Variants in TBC1D32 observed in about 807,000 individuals in gnomAD.
TBC1D32 encodes TBC1 domain family member 32, also known as protein broad-minded.
Under a neutral mutation model 170.3 loss-of-function variants are expected in TBC1D32, and 151 were observed. The observed-to-expected ratio is 0.89, with a 90% CI of 0.78 to 1.01. The LOEUF is 1.01. Ranked by LOEUF, TBC1D32 falls within the 50% of genes least tolerant of loss-of-function variation. The probability of loss-of-function intolerance (pLI) is 0.00; values close to 1 mark genes in which losing one functional copy is unlikely to be tolerated. For missense variants in TBC1D32, 1,464 were observed against 1,457.1 expected (o/e 1.00, Z -0.08); for synonymous variants, 498 against 488.0 (o/e 1.02, Z -0.27).
chr6:121,160,542 G>A (rs1226689339), intron 23 of TBC1D32, among the ~76,000 whole-genome samples: 3 of 150,140 alleles, frequency 2.0e-5, no homozygotes, highest in African/African-American at 7.3e-5. Flanking sequence ...AAACCTTCAT[G>A]AGAAACCCAT....
At chr6:121,271,115 AAAT>A (rs1317724023) in intron 15 of TBC1D32, among the ~76,000 whole-genome samples, 1 of 152,166 alleles carries the variant, frequency 6.6e-6, no homozygotes, top group Non-Finnish European at 1.5e-5. Context: ...ACGTATCTCA[AAAT>A]AATAAGAGCT....
At position 121,141,241 on chromosome 6, in the gene TBC1D32, A is replaced by T. The variant is rs1371253333; in HGVS notation, c.2774-9489T>A. 9.3e-4 allele frequency among the ~76,000 whole-genome samples: 142 copies of T among 152,280 alleles called. 2 individuals carry two copies. The South Asian group carries it at 0.029, about 31-fold the overall frequency. ...ATATATTTTAGATAAGGTGGAGATA[A>T]CTTCTCTGAAGAAGTGACATTTAGA... is the stretch of plus-strand genomic sequence containing the variant. On this transcript the variant is annotated intron_variant, in intron 24 of 31. Transcript: ENST00000398212.
chr6:121,325,745 A>T (rs1810374600), intron 1 of TBC1D32, among the ~76,000 whole-genome samples: 1 of 152,228 alleles, frequency 6.6e-6, no homozygotes, highest in South Asian at 2.1e-4. Flanking sequence ...TACCAAAAGC[A>T]ATGGCAACAA....
intron 17 of TBC1D32, among the ~76,000 whole-genome samples, chr6:121,254,588 A>G (rs933464973): frequency 2.7e-5 from 4 of 148,700 alleles, no homozygotes; most frequent in African/African-American, 7.5e-5. Flanking sequence ...TTGTTGAACC[A>G]TTATACTGTT....
chr6:121,215,437 A>G (rs1193090047), intron 21 of TBC1D32, among the ~76,000 whole-genome samples: 1 of 152,248 alleles, frequency 6.6e-6, no homozygotes, highest in Non-Finnish European at 1.5e-5. Flanking sequence ...ACTGCTCCAG[A>G]TGGGCCACCA....
chr6:121,241,637 C>A lies in TBC1D32; in HGVS notation c.2158-85G>T, dbSNP rs1046387832. ...CATTCCTTCAAGATGGTAAGAACTGCAAAAACAAACTCTGAAAAATATTTT... is the reference window on the plus strand; with the variant it reads ...CATTCCTTCAAGATGGTAAGAACTGAAAAAACAAACTCTGAAAAATATTTT... On this transcript the variant is annotated intron_variant, in intron 18 of 31. Transcript: ENST00000398212. 7 of 1,057,684 alleles carry A rather than the reference C, an allele frequency of 6.6e-6. No homozygotes were observed. In the African/African-American group the frequency reaches 8.0e-5, roughly 12 times the overall value. 65.5% of individuals were successfully genotyped at this position (1,057,684 alleles called of 1,614,324 possible).
At chr6:121,240,554 A>G (rs1796843421) in intron 19 of TBC1D32, among the ~76,000 whole-genome samples, 2 of 151,830 alleles carry the variant, frequency 1.3e-5, no homozygotes, top group Admixed American at 6.6e-5. Flanking sequence ...TAGCATCTCT[A>G]TCAGGGATTA....
At position 121,241,539 on chromosome 6, in the gene TBC1D32, T is replaced by G. The variant is rs758167119; in HGVS notation, c.2171A>C (p.Lys724Thr). ...YAKKLQVSRHKKFGYGVLVTR... is the reference protein window; with the variant it reads ...YAKKLQVSRHTKFGYGVLVTR... ...AACCAAAACTCCATAGCCAAATTTT[T>G]TATGCCTGCTGACCTAACAGCATAA... Residue 724 changes from lysine (K) to threonine (T), a missense_variant, in exon 19 of 32, where the codon AAA (lysine) becomes ACA (threonine). Around this residue, in one of 3 missense-constraint regions of TBC1D32, gnomAD observed 1,363 missense variants for 1,338.1 expected, o/e 1.02. Coordinates refer to ENST00000398212, the MANE Select transcript of TBC1D32 (RefSeq NM_152730.6). The G allele has an allele frequency of 7.4e-6, 12 of 1,613,354 alleles. No individual in the cohort carries two copies. The highest frequency in any genetic ancestry group is 4.5e-5 in the East Asian group (2 of 44,834).
At chr6:121,302,148 G>C (rs1184502237) in intron 9 of TBC1D32, among the ~76,000 whole-genome samples, 1 of 151,904 alleles carries the variant, frequency 6.6e-6, no homozygotes, top group Non-Finnish European at 1.5e-5. Context: ...CTTAGACCAG[G>C]GTCAACAAAC....
rs1318239788 is a variant in TBC1D32, at chr6:121,125,218, G to A, written c.2983+1160C>T. Among the ~76,000 whole-genome samples the A allele has an allele frequency of 6.6e-5, 10 of 152,146 alleles. No homozygotes were observed. In the East Asian group the frequency reaches 1.4e-3, roughly 21 times the overall value. On this transcript the variant is annotated intron_variant, in intron 26 of 31. Transcript: ENST00000398212. Reference sequence around the variant, plus strand: ...AGCAGACTAAGCAGACTGAGCCTGCGACTATTGTACCCATCTAGAGAACAT... The same window carrying A: ...AGCAGACTAAGCAGACTGAGCCTGCAACTATTGTACCCATCTAGAGAACAT...
intron 20 of TBC1D32, among the ~76,000 whole-genome samples, chr6:121,230,556 C>T (rs928700932): frequency 2.6e-5 from 4 of 151,854 alleles, no homozygotes; most frequent in African/African-American, 7.3e-5. Context: ...TGAATCAGAA[C>T]ATATTTATTT....
At chr6:121,105,871 C>T (rs1778632032) in intron 30 of TBC1D32, 152 bp downstream of exon 30, 8 of 827,974 alleles carry the variant, frequency 9.7e-6, no homozygotes, top group Non-Finnish European at 1.4e-5. Context: ...AGCAAACTTA[C>T]ATCATAACAG....
intron 10 of TBC1D32, among the ~76,000 whole-genome samples, chr6:121,295,010 A>G (rs1213671567): frequency 6.6e-6 from 1 of 152,180 alleles, no homozygotes; most frequent in Non-Finnish European, 1.5e-5. Context: ...CCTTTGCCTT[A>G]GAATCTTTTC....
intron 24 of TBC1D32, among the ~76,000 whole-genome samples, chr6:121,157,581 G>A (rs189796950): frequency 3.4e-4 from 51 of 152,186 alleles, no homozygotes; most frequent in Non-Finnish European, 5.0e-4. Flanking sequence ...ACTTGATGGT[G>A]TAATTCCTTT....
chr6:121,155,761 G>A (rs1583004957), intron 24 of TBC1D32, among the ~76,000 whole-genome samples: 1 of 152,042 alleles, frequency 6.6e-6, no homozygotes, highest in East Asian at 1.9e-4. Context: ...CTATTGAAAC[G>A]GTAATGTAGT....
intron 24 of TBC1D32, among the ~76,000 whole-genome samples, chr6:121,156,402 CTTT>C (rs1002571426): frequency 6.8e-6 from 1 of 146,688 alleles, no homozygotes. Flanking sequence ...TTTGGATCTT[CTTT>C]TTTTTTTCTT....
chr6:121,242,813 A>AC (rs1563048714), intron 17 of TBC1D32, among the ~76,000 whole-genome samples: 3 of 151,940 alleles, frequency 2.0e-5, no homozygotes, highest in Admixed American at 6.6e-5. Context: ...GGGGAAAGAT[A>AC]TTTTTTCTCA....
intron 15 of TBC1D32, among the ~76,000 whole-genome samples, chr6:121,270,364 G>A (rs541383184): frequency 5.3e-5 from 8 of 151,946 alleles, no homozygotes. Flanking sequence ...TTGATAAACT[G>A]ATAGCCAGAC....
At chr6:121,117,773 A>G (rs1310779642) in intron 26 of TBC1D32, among the ~76,000 whole-genome samples, 6 of 152,186 alleles carry the variant, frequency 3.9e-5, no homozygotes, top group Non-Finnish European at 8.8e-5. Flanking sequence ...GTATCAATAT[A>G]CAATAAATCA....
Sources: allele counts gnomAD v4.1 joint callset (sites outside exome capture counted in the v4.1 genomes callset), GRCh38; gene constraint gnomAD v4.1.1; regional missense constraint gnomAD v4.1.1; transcripts MANE v1.5; gene names NCBI Gene and HGNC (gene_info 2026-07-23, HGNC 2026-07-21).